Variants in USP42 observed in about 807,000 individuals in gnomAD.
USP42 encodes ubiquitin carboxyl-terminal hydrolase 42.
Under a neutral mutation model 113.0 loss-of-function variants are expected in USP42, and 23 were observed. The ratio of observed to expected loss-of-function variants is 0.20; its 90% CI spans 0.15 to 0.29. USP42 has a LOEUF of 0.29. USP42 is among the 10% of genes least tolerant of loss of function. USP42 has a pLI of 1.00. For synonymous variants in USP42, 933 were observed against 699.0 expected (o/e 1.33, Z -5.28); for missense variants, 2,174 against 1,779.8 (o/e 1.22, Z -3.99).
chr7:6,154,708 G>A lies in USP42; in HGVS notation c.3154G>A (p.Asp1052Asn). 2 of 1,597,080 alleles carry A rather than the reference G, an allele frequency of 1.3e-6. No homozygotes were observed. Among genetic ancestry groups the A allele is most frequent in the South Asian group, 1.1e-5 (1 of 88,228 alleles). ...RGWGREKFYP[D>N]RPRWDRCRYY... ...CTGGGGCCGGGAGAAGTTCTACCCC[G>A]ACAGGCCGCGCTGGGACAGGTGCCG... The change falls in exon 15 of 18, where the codon GAC becomes AAC. Residue 1052 changes from aspartate (D) to asparagine (N), a missense_variant. Coordinates refer to ENST00000306177, the MANE Select transcript of USP42 (RefSeq NM_032172.3).
At chr7:6,128,256 CTT>C (rs376183536) in intron 3 of USP42, 19 of 134,752 alleles carry the variant, frequency 1.4e-4, no homozygotes, top group African/African-American at 2.2e-4. Flanking sequence ...CCTGGCCCTG[CTT>C]TTTTTTTTTT....
In USP42 at chr7:6,107,660, C is replaced by A. The variant is rs186679079; in HGVS notation, c.-10+2628C>A. ...CTGATTTCAGGTGATCTGCCCGCCT[C>A]GTCCTCCCAAAGTGCTGGGATTACA... On this transcript the variant is annotated intron_variant, in intron 1 of 17. Transcript: ENST00000306177. Among the ~76,000 whole-genome samples, 13 of 152,192 alleles carry A rather than the reference C, an allele frequency of 8.5e-5. No individual in the cohort carries two copies. In the East Asian group the frequency reaches 1.5e-3, roughly 18 times the overall value.
chr7:6,126,794 T>C (rs1048666035), intron 3 of USP42, among the ~76,000 whole-genome samples: 1 of 152,184 alleles, frequency 6.6e-6, no homozygotes, highest in African/African-American at 2.4e-5. Context: ...AGGTTGTTAC[T>C]AGTTTTGGGA....
intron 6 of USP42, among the ~76,000 whole-genome samples, chr7:6,140,635 A>G (rs1364974110): frequency 2.6e-5 from 4 of 152,214 alleles, no homozygotes; most frequent in Non-Finnish European, 5.9e-5. Context: ...GAATTTCTGG[A>G]TCACAGGGAG....
At chr7:6,118,537 CAA>C (rs1307685027) in intron 3 of USP42, among the ~76,000 whole-genome samples, 1 of 148,652 alleles carries the variant, frequency 6.7e-6, no homozygotes, top group Admixed American at 6.7e-5. Context: ...AAAGAAAAGA[CAA>C]GAAAAAAAAA....
At chr7:6,148,686 C>G (rs1310443058) in intron 12 of USP42, among the ~76,000 whole-genome samples, 1 of 152,192 alleles carries the variant, frequency 6.6e-6, no homozygotes, top group Non-Finnish European at 1.5e-5. Flanking sequence ...GGGGCCTCAT[C>G]TGAGCTGTGG....
chr7:6,116,791 T>C (rs1779935995), intron 3 of USP42: 1 of 533,162 alleles, frequency 1.9e-6, no homozygotes, highest in South Asian at 1.4e-5. Context: ...TCTCCCTTTC[T>C]CAGTCCATAA....
At chr7:6,094,359 C>T in the USP42 span, among the ~76,000 whole-genome samples, 2 of 150,442 alleles carry the variant, frequency 1.3e-5, no homozygotes, top group Non-Finnish European at 2.9e-5. Flanking sequence ...TTTGTAGAGT[C>T]AGGGTCTCCC....
chr7:6,093,769 A>G, the USP42 span, among the ~76,000 whole-genome samples: 4 of 148,612 alleles, frequency 2.7e-5, no homozygotes, highest in African/African-American at 5.1e-5. Context: ...TGACCAATCT[A>G]TTTTTCACTG....
In USP42 at chr7:6,153,827, A is replaced by G; in HGVS notation, c.2273A>G (p.Glu758Gly). 6.5e-7 allele frequency: 1 copy of G among 1,536,042 alleles called. No individual in the cohort carries two copies. Among genetic ancestry groups the G allele is most frequent in the African/African-American group, 1.4e-5 (1 of 71,906 alleles). ...AEPQPGSPAAESLEEPDAAAG... is the reference protein window; with the variant it reads ...AEPQPGSPAAGSLEEPDAAAG... ...CCTCAGCCTGGCAGCCCCGCCGCCG[A>G]ATCCCTGGAGGAGCCAGATGCGGCC... The change falls in exon 15 of 18, where the codon GAA (glutamate) becomes GGA (glycine). Residue 758 changes from glutamate to glycine, a missense_variant. By Grantham distance (98) the Glu-to-Gly change is moderately conservative. Coordinates refer to ENST00000306177, the MANE Select transcript of USP42 (RefSeq NM_032172.3).
At chr7:6,105,394 G>T (rs1174672199) in intron 1 of USP42, among the ~76,000 whole-genome samples, 25 of 149,218 alleles carry the variant, frequency 1.7e-4, no homozygotes, top group Non-Finnish European at 2.8e-4. Flanking sequence ...GGCCGGGCAG[G>T]CAGGCGGGAG....
At chr7:6,149,523 G>A in intron 12 of USP42, 60 bp from the exon 13 acceptor site, 1 of 1,536,808 alleles carries the variant, frequency 6.5e-7, no homozygotes, top group South Asian at 1.3e-5. Flanking sequence ...GCCAAAATGG[G>A]TTCTGTTTGT....
chr7:6,132,448 C>G (rs1780901439), intron 3 of USP42, among the ~76,000 whole-genome samples: 1 of 151,770 alleles, frequency 6.6e-6, no homozygotes, highest in African/African-American at 2.4e-5. Flanking sequence ...ACCTCTGCCT[C>G]CCAGGTTCAA....
At position 6,149,566 on chromosome 7, in the gene USP42, G is replaced by T. The variant is rs765519327; in HGVS notation, c.1387-17G>T. 7 of 1,603,824 alleles carry T rather than the reference G, an allele frequency of 4.4e-6. No individual in the cohort carries two copies. The highest frequency in any genetic ancestry group is 6.0e-6 in the Non-Finnish European group (7 of 1,173,650). ...TGTTTCTGGAGCTCTGACCAGGTGC[G>T]CTCTGCTTACTTCCAGAATCCACCT... On this transcript the variant is annotated splice_polypyrimidine_tract_variant and intron_variant, in intron 12 of 17. Coordinates refer to ENST00000306177, the MANE Select transcript of USP42 (RefSeq NM_032172.3).
chr7:6,141,007 T>C, intron 7 of USP42, 23 bp downstream of exon 7: 1 of 1,225,232 alleles, frequency 8.2e-7, no homozygotes, highest in Middle Eastern at 2.0e-4. Context: ...ATTATGGGAG[T>C]AATTACATTT....
intron 1 of USP42, among the ~76,000 whole-genome samples, chr7:6,108,163 G>T (rs537078878): frequency 4.1e-4 from 62 of 152,154 alleles, no homozygotes; most frequent in African/African-American, 1.4e-3. Flanking sequence ...TTCCAGCCTG[G>T]GTGGCAGAGC....
intron 3 of USP42, among the ~76,000 whole-genome samples, chr7:6,116,055 G>A (rs1443842020): frequency 6.7e-6 from 1 of 148,322 alleles, no homozygotes; most frequent in Non-Finnish European, 1.5e-5. Context: ...AGTGAGCTGT[G>A]ATCGCACTGC....
In USP42 at chr7:6,141,563, T is replaced by A. The variant is rs958830948; in HGVS notation, c.795+579T>A. On this transcript the variant is annotated intron_variant, in intron 7 of 17. Coordinates refer to ENST00000306177, the MANE Select transcript of USP42 (RefSeq NM_032172.3). ...TTAGCCAAGTACAGTTGGTTATTAT[T>A]ATTTTTTTTTTTTGAGATGGAGTCT... is the stretch of plus-strand genomic sequence containing the variant. Among the ~76,000 whole-genome samples the A allele has an allele frequency of 4.7e-5, 7 of 148,624 alleles. No individual in the cohort carries two copies. The South Asian group carries it at 8.5e-4, about 18-fold the overall frequency.
In USP42 at chr7:6,122,464, TTTTG is replaced by T. The variant is rs375914959; in HGVS notation, c.442+6961_442+6964del. Among the ~76,000 whole-genome samples, 475 of 151,948 alleles carry T rather than the reference TTTTG, an allele frequency of 3.1e-3. 2 individuals carry two copies. Among genetic ancestry groups the T allele is most frequent in the Non-Finnish European group, 4.3e-3 (293 of 67,938 alleles). On this transcript the variant is annotated intron_variant, in intron 3 of 17. Transcript: ENST00000306177. ...CCATGCCTTTTGTTTTGTTTTGTTT[TTTTG>T]TTTGTTTGTTTGTTTGTTTTGAGAC...
Sources: allele counts gnomAD v4.1 joint callset (sites outside exome capture counted in the v4.1 genomes callset), GRCh38; gene constraint gnomAD v4.1.1; transcripts MANE v1.5; gene names NCBI Gene and HGNC (gene_info 2026-07-23, HGNC 2026-07-21).